The following SLC25A25 variants were observed in gnomAD, a reference collection of about 807,000 sequenced individuals.
The protein encoded by SLC25A25 is solute carrier family 25 member 25.
In SLC25A25, 32 loss-of-function variants were observed where a neutral mutation model predicts 57.7. The ratio of observed to expected loss-of-function variants is 0.55; its 90% confidence interval spans 0.42 to 0.74. The LOEUF (loss-of-function observed/expected upper bound fraction) is 0.74, where lower values mean the gene tolerates loss of function less well. SLC25A25 is among the 30% of genes least tolerant of loss of function. The probability of loss-of-function intolerance (pLI) is 0.00; values close to 1 mark genes in which losing one functional copy is unlikely to be tolerated. For missense variants in SLC25A25, 556 were observed against 701.3 expected (o/e 0.79, Z 2.34); for synonymous variants, 306 against 291.2 (o/e 1.05, Z -0.52).
intron 1 of SLC25A25, among the ~76,000 whole-genome samples, chr9:128,079,074 G>A (rs1833080966): frequency 6.6e-6 from 1 of 152,128 alleles, no homozygotes; most frequent in African/African-American, 2.4e-5. Flanking sequence ...TCTTAAAGAT[G>A]CATCTTCCTT....
Position 128,107,577 on chromosome 9 carries a change from C to T in SLC25A25, c.*133C>T, listed in dbSNP as rs1030949516. 1 of 1,113,850 alleles carries T rather than the reference C, an allele frequency of 9.0e-7. No homozygotes were observed. Among genetic ancestry groups the T allele is most frequent in the East Asian group, 2.7e-5 (1 of 37,028 alleles). 69.0% of individuals were successfully genotyped at this position (1,113,850 alleles called of 1,614,324 possible). A position where few individuals can be genotyped will look rare whatever the true frequency, so the allele number is the denominator to read the frequency against. ...GCTGTGAAAACCCTAGACGCACCCG[C>T]AGGGAGGGTGGGGAGAGCTGGCAGG... On this transcript the variant is annotated 3_prime_UTR_variant, in exon 11 of 11. Transcript: ENST00000373069.
Position 128,107,293 on chromosome 9 carries a change from G to A in SLC25A25, c.1397G>A (p.Ser466Asn), listed in dbSNP as rs749338871. 2.5e-6 allele frequency: 4 copies of A among 1,580,056 alleles called. No homozygotes were observed. The highest frequency in any genetic ancestry group is 1.1e-5 in the South Asian group (1 of 87,604). ...SIEGAPEVTM[S>N]SLFKHILRTE... ...GAGGGCGCTCCGGAGGTGACCATGA[G>A]CAGCCTCTTCAAACATATCCTGCGG... The change falls in exon 11 of 11, where the codon AGC (serine) becomes AAC (asparagine). Residue 466 changes from serine to asparagine, a missense_variant. Ser to Asn is a conservative substitution (Grantham distance 46). This residue lies in a region of SLC25A25 where 294 missense variants were observed against 389.6 expected (regional missense o/e 0.75). Transcript: ENST00000373069.
chr9:128,074,261 C>T (rs570417397), intron 1 of SLC25A25, among the ~76,000 whole-genome samples: 4 of 151,492 alleles, frequency 2.6e-5, no homozygotes, highest in East Asian at 2.0e-4. Context: ...AGACTGGTCT[C>T]GAACTCCTGA....
chr9:128,082,445 G>A (rs548033849), intron 1 of SLC25A25, among the ~76,000 whole-genome samples: 2 of 152,192 alleles, frequency 1.3e-5, no homozygotes, highest in African/African-American at 4.8e-5. Flanking sequence ...CAGCACATAG[G>A]AGCTGAGTTT....
chr9:128,084,022 A>T (rs1371277499), intron 1 of SLC25A25, among the ~76,000 whole-genome samples: 1 of 152,098 alleles, frequency 6.6e-6, no homozygotes, highest in Non-Finnish European at 1.5e-5. Context: ...ATTTGGAATA[A>T]GTCAAGTGCC....
chr9:128,068,531 C>A lies in SLC25A25; in HGVS notation c.212C>A (p.Ala71Glu). The part of the protein sequence containing the change: ...RDGGLCVNDL[A>E]VGLRRLGLHR... ...GGCGGCCTGTGTGTCAACGACCTGG[C>A]GGTGGGGCTGCGGCGCCTGGGACTG... Residue 71 changes from alanine to glutamate, a missense_variant, in exon 1 of 11, where the codon GCG becomes GAG. Ala to Glu is a moderately radical substitution (Grantham distance 107). This residue lies in a region of SLC25A25 where 248 missense variants were observed against 273.5 expected (regional missense o/e 0.91). Transcript: ENST00000373069. 1.3e-6 allele frequency: 2 copies of A among 1,488,492 alleles called. No homozygotes were observed. Among genetic ancestry groups the A allele is most frequent in the South Asian group, 1.3e-5 (1 of 77,240 alleles). The allele number at this position is 1,488,492 out of a possible 1,614,324, so 92.2% of individuals were successfully genotyped here. A position where few individuals can be genotyped will look rare whatever the true frequency, so the allele number is the denominator to read the frequency against.
At chr9:128,091,920 G>T (rs773835246) in intron 1 of SLC25A25, 1 of 1,613,294 alleles carries the variant, frequency 6.2e-7, no homozygotes. Context: ...CCCAGGGCTG[G>T]GTGCCACGGC....
intron 6 of SLC25A25, 29 bp from the exon 7 acceptor site, chr9:128,105,700 C>T: frequency 1.2e-6 from 2 of 1,611,634 alleles, no homozygotes; most frequent in Non-Finnish European, 1.7e-6. Context: ...CCCCCCGGGT[C>T]CGTCTGACTG....
intron 6 of SLC25A25, among the ~76,000 whole-genome samples, chr9:128,104,888 G>A (rs539430067): frequency 6.7e-5 from 10 of 148,742 alleles, no homozygotes; most frequent in Admixed American, 1.3e-4. Context: ...AGACAGTCTC[G>A]CTCTGTCACC....
chr9:128,098,794 A>G (rs541869510), intron 1 of SLC25A25: 5 of 1,569,790 alleles, frequency 3.2e-6, no homozygotes, highest in African/African-American at 1.4e-5. Flanking sequence ...ATGGCTGAGC[A>G]TGCATGAACC....
chr9:128,098,484 T>C (rs1833635334), intron 1 of SLC25A25: 1 of 1,537,646 alleles, frequency 6.5e-7, no homozygotes, highest in Non-Finnish European at 8.8e-7. Context: ...AGGCTTGTCT[T>C]ATGCAAGTTT....
At chr9:128,091,406 G>A (rs1026105470) in intron 1 of SLC25A25, 13 of 983,336 alleles carry the variant, frequency 1.3e-5, no homozygotes, top group South Asian at 4.7e-5. Flanking sequence ...GTGATTGGCC[G>A]GGCTCTGCTG....
At chr9:128,089,083 A>G (rs1833341802) in intron 1 of SLC25A25, among the ~76,000 whole-genome samples, 1 of 152,008 alleles carries the variant, frequency 6.6e-6, no homozygotes, top group Non-Finnish European at 1.5e-5. Flanking sequence ...TTTTGTAGAG[A>G]CAGAGTCACA....
intron 6 of SLC25A25, among the ~76,000 whole-genome samples, chr9:128,105,312 T>A (rs1179208470): frequency 6.6e-6 from 1 of 151,698 alleles, no homozygotes; most frequent in African/African-American, 2.4e-5. Flanking sequence ...CTGGGATTAC[T>A]GGTGCCTGCC....
At chr9:128,091,576 C>A in intron 1 of SLC25A25, 1 of 1,052,350 alleles carries the variant, frequency 9.5e-7, no homozygotes, top group Non-Finnish European at 1.1e-6. Flanking sequence ...AAAAGCCAAA[C>A]GTTTGCTCAC....
rs1226616644 is a variant in SLC25A25, at chr9:128,103,411, G to T, written c.625-270G>T. On this transcript the variant is annotated intron_variant, in intron 5 of 10. Transcript: ENST00000373069. This position sits in a 1 kb window ranked among gnomAD's most constrained non-coding sequence, Gnocchi z 6.7. ...GTAGCTCCCTGGCAGCATTGGAAAG[G>T]GCCGGTGAATGGTTTTCTAACCGGC... Among the ~76,000 whole-genome samples the T allele has an allele frequency of 6.6e-6, 1 of 152,178 alleles. No individual in the cohort carries two copies. Among genetic ancestry groups the T allele is most frequent in the Non-Finnish European group, 1.5e-5 (1 of 68,026 alleles).
At chr9:128,098,599 C>T (rs150615663) in intron 1 of SLC25A25, 221 of 1,614,042 alleles carry the variant, frequency 1.4e-4, no homozygotes, top group African/African-American at 1.5e-4. Flanking sequence ...TGCCGGTCAT[C>T]GGGGAAGCCC....
Position 128,081,281 on chromosome 9 carries a change from TGA to T in SLC25A25, c.261+12705_261+12706del, listed in dbSNP as rs552991566. Among the ~76,000 whole-genome samples, 21 of 152,278 alleles carry T rather than the reference TGA, an allele frequency of 1.4e-4. No individual in the cohort carries two copies. The South Asian group carries it at 3.9e-3, about 29-fold the overall frequency. ...TGTGCAAAGCAGAGCAAGCAGCTGGTGAGAGTTAAGTTTGTGTTGAGTCAGAT... is the reference window on the plus strand; with the variant it reads ...TGTGCAAAGCAGAGCAAGCAGCTGGTGAGTTAAGTTTGTGTTGAGTCAGAT... On this transcript the variant is annotated intron_variant, in intron 1 of 10. Coordinates refer to ENST00000373069, the MANE Select transcript of SLC25A25 (RefSeq NM_001330988.2).
At chr9:128,093,628 A>G (rs1378196051) in intron 1 of SLC25A25, among the ~76,000 whole-genome samples, 1 of 152,240 alleles carries the variant, frequency 6.6e-6, no homozygotes, top group Non-Finnish European at 1.5e-5. Context: ...CAAGTGGGAT[A>G]TGGGGCAGCT....
Sources: allele counts gnomAD v4.1 joint callset (sites outside exome capture counted in the v4.1 genomes callset), GRCh38; gene constraint gnomAD v4.1.1; regional missense constraint gnomAD v4.1.1; non-coding constraint Gnocchi (gnomAD v3.1); transcripts MANE v1.5; gene names NCBI Gene and HGNC (gene_info 2026-07-23, HGNC 2026-07-21).